The following RANBP17 variants were observed in gnomAD, a reference collection of about 807,000 sequenced individuals.
The protein encoded by RANBP17 is RAN binding protein 17.
Under a neutral mutation model 141.2 loss-of-function variants are expected in RANBP17, and 158 were observed. The ratio of observed to expected loss-of-function variants is 1.12; its 90% CI spans 0.98 to 1.28. The LOEUF (loss-of-function observed/expected upper bound fraction) is 1.28, where lower values mean the gene tolerates loss of function less well. Ranked by LOEUF, RANBP17 falls within the 50% of genes most tolerant of loss-of-function variation. The pLI, the probability that RANBP17 is intolerant of heterozygous loss-of-function variation, is 0.00. For missense variants in RANBP17, 1,438 were observed against 1,290.7 expected, an observed-to-expected ratio of 1.11 and a Z score of -1.75; for synonymous variants, 430 against 450.0, an observed-to-expected ratio of 0.96 and a Z score of 0.56.
At chr5:170,869,647 T>C (rs115042031) in intron 1 of RANBP17, among the ~76,000 whole-genome samples, 335 of 152,258 alleles carry the variant, frequency 2.2e-3, no homozygotes, top group African/African-American at 7.6e-3. Flanking sequence ...CATATGGTCT[T>C]CCCTGCTATG....
rs560069042 is a variant in RANBP17, at chr5:171,022,200, G to A, written c.1710+53823G>A. Among the ~76,000 whole-genome samples, 92 of 152,282 alleles carry A rather than the reference G, an allele frequency of 6.0e-4. 3 individuals carry two copies. In the South Asian group the frequency reaches 0.013, roughly 21 times the overall value. ...TCTCAGATCTTTGACTTTGAGGGGC[G>A]CCAACCTGATGCCCGTAGGATTGTT... is the stretch of plus-strand genomic sequence containing the variant. On this transcript the variant is annotated intron_variant, in intron 14 of 27. Coordinates refer to ENST00000523189, the MANE Select transcript of RANBP17 (RefSeq NM_022897.5).
intron 15 of RANBP17, among the ~76,000 whole-genome samples, chr5:171,170,754 AC>A (rs1760042366): frequency 6.6e-6 from 1 of 152,140 alleles, no homozygotes; most frequent in South Asian, 2.1e-4. Flanking sequence ...TATCTGTGTA[AC>A]AGACAAACAA....
chr5:171,251,901 A>G, intron 24 of RANBP17: 1 of 1,567,056 alleles, frequency 6.4e-7, no homozygotes, highest in Non-Finnish European at 8.8e-7. Flanking sequence ...TTGGTCCAGA[A>G]CAGTTTCCAG....
At chr5:171,203,652 A>G (rs1460738248) in intron 19 of RANBP17, among the ~76,000 whole-genome samples, 2 of 152,144 alleles carry the variant, frequency 1.3e-5, no homozygotes, top group African/African-American at 4.8e-5. Context: ...TTAATTTGAT[A>G]TCGTTTAAGG....
At chr5:171,068,486 G>A (rs923759021) in intron 14 of RANBP17, among the ~76,000 whole-genome samples, 1 of 152,120 alleles carries the variant, frequency 6.6e-6, no homozygotes, top group African/African-American at 2.4e-5. Context: ...TTCTAGTTGA[G>A]AAGTAGACAT....
At chr5:170,893,710 G>A (rs948176106) in intron 4 of RANBP17, among the ~76,000 whole-genome samples, 3 of 151,754 alleles carry the variant, frequency 2.0e-5, no homozygotes, top group Admixed American at 6.6e-5. Flanking sequence ...GGAGAATGGC[G>A]TGAACCCGGT....
chr5:170,946,768 C>A (rs1488172281), intron 12 of RANBP17, among the ~76,000 whole-genome samples: 1 of 152,100 alleles, frequency 6.6e-6, no homozygotes, highest in Non-Finnish European at 1.5e-5. Context: ...ATATAAGACA[C>A]ATAACAAGCT....
intron 24 of RANBP17, among the ~76,000 whole-genome samples, chr5:171,249,565 TTAAATAAA>T (rs777382959): frequency 6.6e-6 from 1 of 152,010 alleles, no homozygotes; most frequent in Non-Finnish European, 1.5e-5. Context: ...CCAAAGAGAT[TTAAATAAA>T]TAAATAAATA....
chr5:171,075,289 T>A (rs1348872713), intron 14 of RANBP17, among the ~76,000 whole-genome samples: 4 of 152,246 alleles, frequency 2.6e-5, no homozygotes, highest in Non-Finnish European at 5.9e-5. Flanking sequence ...TAGAATTAAA[T>A]GACATAGATT....
intron 13 of RANBP17, among the ~76,000 whole-genome samples, chr5:170,957,454 C>G (rs1254564314): frequency 6.6e-6 from 1 of 152,156 alleles, no homozygotes; most frequent in Non-Finnish European, 1.5e-5. Context: ...AAATGTGTTT[C>G]TAATCCCAAA....
chr5:171,196,333 C>T (rs1000856331), intron 18 of RANBP17, among the ~76,000 whole-genome samples: 1 of 152,206 alleles, frequency 6.6e-6, no homozygotes, highest in African/African-American at 2.4e-5. Context: ...GTCTCTTGTG[C>T]TCCTGCTATC....
At chr5:171,229,444 G>T (rs1764074916) in intron 22 of RANBP17, among the ~76,000 whole-genome samples, 1 of 151,954 alleles carries the variant, frequency 6.6e-6, no homozygotes, top group Admixed American at 6.6e-5. Flanking sequence ...GCCCAGGCTG[G>T]AGTGCAATGG....
intron 7 of RANBP17, 196 bp downstream of exon 7, chr5:170,911,330 A>T (rs1304473004): frequency 1.2e-5 from 7 of 592,498 alleles, no homozygotes; most frequent in Non-Finnish European, 2.1e-5. Context: ...CTATATTTTG[A>T]TTTAGGAAAA....
intron 14 of RANBP17, among the ~76,000 whole-genome samples, chr5:170,971,627 C>T (rs1776996491): frequency 1.3e-5 from 2 of 152,172 alleles, no homozygotes; most frequent in Admixed American, 6.5e-5. Flanking sequence ...TGTCTTCCTA[C>T]TTCCCATATT....
intron 25 of RANBP17, among the ~76,000 whole-genome samples, chr5:171,276,368 A>G (rs140637880): frequency 6.6e-6 from 1 of 152,362 alleles, no homozygotes; most frequent in Admixed American, 6.5e-5. Context: ...TTGTATGTTT[A>G]TAGAATAGGG....
chr5:171,214,471 C>T (rs1763095237), intron 21 of RANBP17, among the ~76,000 whole-genome samples: 1 of 152,168 alleles, frequency 6.6e-6, no homozygotes, highest in African/African-American at 2.4e-5. Context: ...TTACATGTCA[C>T]TTAGCCATCC....
At chr5:171,281,488 C>T (rs1453318011) in intron 25 of RANBP17, among the ~76,000 whole-genome samples, 2 of 152,120 alleles carry the variant, frequency 1.3e-5, no homozygotes, top group Non-Finnish European at 2.9e-5. Flanking sequence ...AAGGAAACAA[C>T]TTGATGGGTG....
At chr5:171,259,752 C>A (rs998053053) in intron 24 of RANBP17, among the ~76,000 whole-genome samples, 1 of 151,704 alleles carries the variant, frequency 6.6e-6, no homozygotes, top group Non-Finnish European at 1.5e-5. Context: ...AGGCTGAGGT[C>A]AGTGGATCAC....
chr5:171,259,891 G>C (rs1253727915), intron 24 of RANBP17, among the ~76,000 whole-genome samples: 1 of 152,014 alleles, frequency 6.6e-6, no homozygotes, highest in Non-Finnish European at 1.5e-5. Context: ...TGCAGCAGGA[G>C]AATGGCTTGA....
Sources: gnomAD v4.1 joint callset for allele counts (sites outside exome capture counted in the v4.1 genomes callset) on GRCh38, gnomAD v4.1.1 for gene constraint, MANE v1.5 for transcripts, NCBI Gene and HGNC (gene_info 2026-07-23, HGNC 2026-07-21) for gene names.